POLR1B: variants seen among roughly 807,000 people sequenced by gnomAD.
POLR1B encodes the protein DNA-directed RNA polymerase I subunit RPA2.
POLR1B carries 30 observed loss-of-function variants against 105.8 expected under a neutral mutation model. The ratio of observed to expected loss-of-function variants is 0.28; its 90% CI spans 0.21 to 0.38. POLR1B has a LOEUF of 0.38. POLR1B is among the 10% of genes least tolerant of loss of function. POLR1B has a pLI of 1.00. For synonymous variants in POLR1B, 485 were observed against 505.1 expected (o/e 0.96, Z 0.53); for missense variants, 976 against 1,435.8 (o/e 0.68, Z 5.17).
In POLR1B at chr2:112,551,900, A is replaced by G; in HGVS notation, c.888A>G (p.Thr296=). The stretch of plus-strand genomic sequence containing the variant: ...TTGTAATGGAAGAGGGTTGTTCGAC[A>G]CAAAAACAGGTCCTTAACTACCTAG... ...LRIVMEEGCS[T]QKQVLNYLGE... is the part of the protein sequence containing the mutation. Residue 296 remains threonine, a synonymous_variant, in exon 6 of 15, where the codon ACA becomes ACG. Coordinates refer to ENST00000263331, the MANE Select transcript of POLR1B (RefSeq NM_019014.6). 6.2e-7 allele frequency: 1 copy of G among 1,614,164 alleles called. No individual in the cohort carries two copies. Among genetic ancestry groups the G allele is most frequent in the South Asian group, 1.1e-5 (1 of 91,084 alleles).
chr2:112,563,296 C>G (rs969392198), intron 9 of POLR1B, among the ~76,000 whole-genome samples: 4 of 151,988 alleles, frequency 2.6e-5, no homozygotes, highest in Non-Finnish European at 1.5e-5. Flanking sequence ...ACCTCGTGAT[C>G]TGCCCGCCTC....
chr2:112,568,245 C>A, intron 11 of POLR1B, 108 bp downstream of exon 11: 1 of 1,129,282 alleles, frequency 8.9e-7, no homozygotes, highest in Non-Finnish European at 1.3e-6. Context: ...GTTACAACAA[C>A]AGTTGGACAT....
At chr2:112,553,716 C>A (rs1683495461) in intron 7 of POLR1B, 1 of 152,162 alleles carries the variant, frequency 6.6e-6, no homozygotes, top group Non-Finnish European at 1.5e-5. Flanking sequence ...TGCCTTTCAA[C>A]AAAAGCTGAC....
chr2:112,548,724 TGCCTCA>T (rs1242537439), intron 3 of POLR1B, among the ~76,000 whole-genome samples: 1 of 152,082 alleles, frequency 6.6e-6, no homozygotes, highest in Non-Finnish European at 1.5e-5. Flanking sequence ...GCCATTCTCC[TGCCTCA>T]GCCTCCCGAG....
At chr2:112,564,596 TC>T in intron 10 of POLR1B, 97 bp downstream of exon 10, 1 of 1,505,874 alleles carries the variant, frequency 6.6e-7, no homozygotes. Flanking sequence ...TCTAGAGTGA[TC>T]AAGTGGTCAG....
At chr2:112,547,698 C>A in intron 3 of POLR1B, 131 bp downstream of exon 3, 1 of 992,818 alleles carries the variant, frequency 1.0e-6, no homozygotes, top group Non-Finnish European at 1.5e-6. Flanking sequence ...AGTATCTTGC[C>A]TGCATACAGT....
intron 9 of POLR1B, 55 bp downstream of exon 9, chr2:112,559,629 TC>T: frequency 6.4e-7 from 1 of 1,567,932 alleles, no homozygotes; most frequent in Non-Finnish European, 8.7e-7. Context: ...TTTTTTGTGT[TC>T]TTTTTGTTTG....
chr2:112,552,680 A>T lies in POLR1B; in HGVS notation c.1022A>T (p.Glu341Val). 1.2e-6 allele frequency: 2 copies of T among 1,604,976 alleles called. No individual in the cohort carries two copies. The highest frequency in any genetic ancestry group is 1.7e-5 in the Admixed American group (1 of 58,332). The change falls in exon 7 of 15, where the codon GAA becomes GTA. Residue 341 changes from glutamate (E) to valine (V), a missense_variant. Physicochemically the swap from Glu to Val is moderately radical, Grantham distance 121 (BLOSUM62 -2). Transcript: ENST00000263331. Reference protein sequence around the residue: ...CICIHLKSNTEKFYMLCLMTR... With the variant: ...CICIHLKSNTVKFYMLCLMTR... The stretch of plus-strand genomic sequence containing the variant: ...TGTATCCACTTGAAATCCAATACTG[A>T]AAAGTTTTATATGCTTTGTCTCATG...
chr2:112,578,470 T>C lies in POLR1B; in HGVS notation c.*2741T>C, dbSNP rs983678891. Among the ~76,000 whole-genome samples the C allele has an allele frequency of 6.6e-6, 1 of 152,178 alleles. No individual in the cohort carries two copies. The stretch of plus-strand genomic sequence containing the variant: ...TTTCACTCCATTCCCTTGAGATACA[T>C]CCAGGTAGTTGCATGTATCAATAGT... On this transcript the variant is annotated 3_prime_UTR_variant, in exon 15 of 15. Coordinates refer to ENST00000263331, the MANE Select transcript of POLR1B (RefSeq NM_019014.6).
At chr2:112,550,081 T>A (rs1464556482) in intron 4 of POLR1B, among the ~76,000 whole-genome samples, 2 of 152,204 alleles carry the variant, frequency 1.3e-5, no homozygotes, top group Non-Finnish European at 2.9e-5. Flanking sequence ...TGGCCATAAG[T>A]GGGTGTGGGT....
At chr2:112,573,303 A>G (rs1371654682) in intron 13 of POLR1B, among the ~76,000 whole-genome samples, 1 of 152,156 alleles carries the variant, frequency 6.6e-6, no homozygotes, top group East Asian at 1.9e-4. Flanking sequence ...GGGTTTCACC[A>G]TGTTGGCCAG....
chr2:112,572,050 C>G (rs7607358), intron 12 of POLR1B, among the ~76,000 whole-genome samples: 1 of 151,956 alleles, frequency 6.6e-6, no homozygotes, highest in African/African-American at 2.4e-5. Flanking sequence ...ATCATTTTGT[C>G]GTGAAATGAT....
chr2:112,556,994 T>C (rs12618882), intron 7 of POLR1B, among the ~76,000 whole-genome samples: 55,056 of 152,110 alleles, frequency 0.36, 11,888 homozygotes, highest in Non-Finnish European at 0.48. Context: ...TTTGAAAATA[T>C]ACAATAAGGC....
chr2:112,569,582 CAG>C (rs1384400407), intron 12 of POLR1B, among the ~76,000 whole-genome samples: 1 of 147,712 alleles, frequency 6.8e-6, no homozygotes, highest in Non-Finnish European at 1.5e-5. Flanking sequence ...TTTTTTGAGA[CAG>C]AGTCTCGCTC....
intron 7 of POLR1B, chr2:112,553,371 T>C (rs1232554715): frequency 6.6e-6 from 1 of 152,220 alleles, no homozygotes; most frequent in Non-Finnish European, 1.5e-5. Flanking sequence ...ACTTTTTTGT[T>C]TTTTTTTGAG....
At chr2:112,546,960 G>GA (rs1394553796) in intron 1 of POLR1B, 52 bp from the exon 2 acceptor site, 17 of 1,583,684 alleles carry the variant, frequency 1.1e-5, no homozygotes, top group East Asian at 4.5e-5. Context: ...GAGTCTTAGA[G>GA]AAAAAATGCC....
chr2:112,542,067 A>G (rs1682772690), upstream of POLR1B: 3 of 1,524,120 alleles, frequency 2.0e-6, no homozygotes, highest in Admixed American at 2.0e-5. Flanking sequence ...CAGGGTCGGC[A>G]TCAGCGTGGG....
chr2:112,547,288 A>C, intron 2 of POLR1B, 109 bp downstream of exon 2: 1 of 1,493,264 alleles, frequency 6.7e-7, no homozygotes, highest in Non-Finnish European at 9.1e-7. Flanking sequence ...CTATTGTCTA[A>C]GAGATCCCAC....
intron 10 of POLR1B, among the ~76,000 whole-genome samples, chr2:112,567,263 G>A (rs1181390502): frequency 4.6e-5 from 7 of 152,010 alleles, no homozygotes; most frequent in Non-Finnish European, 1.0e-4. Context: ...AATGCATCTA[G>A]CTGTGAATCC....
Sources: gnomAD v4.1 joint callset for allele counts (sites outside exome capture counted in the v4.1 genomes callset) on GRCh38, gnomAD v4.1.1 for gene constraint, MANE v1.5 for transcripts, NCBI Gene and HGNC (gene_info 2026-07-23, HGNC 2026-07-21) for gene names.